TMEM131L: variants seen among roughly 807,000 people sequenced by gnomAD.
The protein encoded by TMEM131L is transmembrane 131 like, also known as transmembrane protein 131-like.
A neutral mutation model predicts 192.2 loss-of-function variants in TMEM131L; 54 were observed. That is an observed-to-expected ratio of 0.28 (90% CI 0.23 to 0.35). TMEM131L has a LOEUF of 0.35. Among genes scored for constraint, TMEM131L ranks in the 10% least tolerant of loss-of-function variants. TMEM131L has a pLI of 1.00. For synonymous variants in TMEM131L, 701 were observed against 704.9 expected (o/e 0.99, Z 0.09); for missense variants, 1,888 against 1,972.9 (o/e 0.96, Z 0.82).
intron 3 of TMEM131L, among the ~76,000 whole-genome samples, chr4:153,540,615 G>T (rs963318320): frequency 2.0e-5 from 3 of 152,144 alleles, no homozygotes; most frequent in Non-Finnish European, 2.9e-5. Context: ...GCCTTGGGTA[G>T]ATAGAAGAAA....
chr4:153,516,403 T>C (rs1030423224), intron 3 of TMEM131L, among the ~76,000 whole-genome samples: 9 of 152,112 alleles, frequency 5.9e-5, no homozygotes, highest in Admixed American at 4.6e-4. Context: ...CTAATTGTTA[T>C]ATATTTTTTA....
chr4:153,531,818 C>G (rs75369210), intron 3 of TMEM131L, among the ~76,000 whole-genome samples: 220 of 152,312 alleles, frequency 1.4e-3, no homozygotes, highest in African/African-American at 4.9e-3. Flanking sequence ...GTTTGCTGAG[C>G]TCTGGAAGCC....
At chr4:153,548,471 A>G (rs1364456198) in intron 3 of TMEM131L, among the ~76,000 whole-genome samples, 1 of 151,824 alleles carries the variant, frequency 6.6e-6, no homozygotes, top group Non-Finnish European at 1.5e-5. Flanking sequence ...CGCCCAGCTA[A>G]TTTTTGTATT....
chr4:153,599,628 T>C (rs9990596), intron 21 of TMEM131L, among the ~76,000 whole-genome samples: 43,144 of 152,196 alleles, frequency 0.28, 6,399 homozygotes, highest in Non-Finnish European at 0.34. Context: ...TGTCAGTTAC[T>C]TAACCACAGA....
At position 153,473,927 on chromosome 4, in the gene TMEM131L, G is replaced by A. The variant is rs76924182; in HGVS notation, c.239+39G>A. On this transcript the variant is annotated intron_variant, in intron 3 of 34. Transcript: ENST00000409959. ...GGGGGTGGAAACCTGCATGCTGAATGTCCCTGCCCACTTTGGGTGCTCTCT... is the reference window on the plus strand; with the variant it reads ...GGGGGTGGAAACCTGCATGCTGAATATCCCTGCCCACTTTGGGTGCTCTCT... The A allele has an allele frequency of 2.9e-3, 4,215 of 1,460,660 alleles. 79 individuals carry two copies. In the African/African-American group the frequency reaches 0.048, roughly 17 times the overall value. 90.5% of individuals were successfully genotyped at this position (1,460,660 alleles called of 1,614,324 possible).
chr4:153,604,192 A>G lies in TMEM131L; in HGVS notation c.3180A>G (p.Thr1060=). 6.2e-7 allele frequency: 1 copy of G among 1,614,124 alleles called. No homozygotes were observed. The highest frequency in any genetic ancestry group is 2.2e-5 in the East Asian group (1 of 44,888). ...ACTTACTGAATAAAGAAGAAAACAC[A>G]CTGAAAAACACAATTGTTTTCAGTA... The part of the protein sequence containing the change: ...PKNLLNKEEN[T]LKNTIVFSNP... Residue 1060 remains threonine, a synonymous_variant, in exon 25 of 35, where the codon ACA becomes ACG. Coordinates refer to ENST00000409959, the MANE Select transcript of TMEM131L (RefSeq NM_001131007.2).
intron 14 of TMEM131L, among the ~76,000 whole-genome samples, chr4:153,587,509 G>A (rs1288276810): frequency 1.3e-5 from 2 of 152,000 alleles, no homozygotes; most frequent in East Asian, 3.9e-4. Flanking sequence ...GGGCCCAAGG[G>A]TCATTATTGT....
intron 28 of TMEM131L, 86 bp from the exon 29 acceptor site, chr4:153,622,812 T>G (rs1021262655): frequency 1.5e-6 from 2 of 1,364,076 alleles, no homozygotes; most frequent in Non-Finnish European, 2.1e-6. Flanking sequence ...CTGGCCCTAC[T>G]CCTCCTGTCA....
At position 153,627,503 on chromosome 4, in the gene TMEM131L, G is replaced by T. The variant is rs1733930925; in HGVS notation, c.4125-102G>T. On this transcript the variant is annotated intron_variant, in intron 30 of 34. Transcript: ENST00000409959. ...TCTTCCCCAAGAAACTCTTCCCCAA[G>T]ACTTCAATTGAGTGAAAACTCAATC... is the stretch of plus-strand genomic sequence containing the variant. 7.5e-6 allele frequency: 6 copies of T among 794,902 alleles called. No individual in the cohort carries two copies. The Admixed American group carries it at 1.2e-4, about 15-fold the overall frequency. The allele number at this position is 794,902 out of a possible 1,614,324, so 49.2% of individuals were successfully genotyped here.
At chr4:153,585,060 C>A in intron 12 of TMEM131L, 129 bp downstream of exon 12, 1 of 713,656 alleles carries the variant, frequency 1.4e-6, no homozygotes. Context: ...CCTCCCCTTG[C>A]CTTAGCATTG....
At chr4:153,573,660 T>C (rs1578774987) in intron 7 of TMEM131L, among the ~76,000 whole-genome samples, 1 of 152,326 alleles carries the variant, frequency 6.6e-6, no homozygotes, top group Middle Eastern at 3.4e-3. Context: ...CCAATTGTTT[T>C]TTGTCTGTCT....
chr4:153,546,892 G>A (rs944647651), intron 3 of TMEM131L, among the ~76,000 whole-genome samples: 5 of 152,260 alleles, frequency 3.3e-5, no homozygotes, highest in East Asian at 1.9e-4. Context: ...ATGCTATTGC[G>A]CTCCAACGTG....
chr4:153,468,501 A>G (rs1836401), intron 2 of TMEM131L, among the ~76,000 whole-genome samples: 40,869 of 152,154 alleles, frequency 0.27, 5,709 homozygotes, highest in South Asian at 0.41. Context: ...ACAGAAATAT[A>G]AAAAGAACAA....
chr4:153,563,718 C>T (rs1004172312), intron 7 of TMEM131L, among the ~76,000 whole-genome samples: 3 of 152,018 alleles, frequency 2.0e-5, no homozygotes, highest in South Asian at 4.1e-4. Flanking sequence ...CCACCCACCT[C>T]GGCTTTTCAA....
In TMEM131L at chr4:153,604,080, C is replaced by T. The variant is rs1732041414; in HGVS notation, c.3068C>T (p.Thr1023Ile). 1 of 1,614,070 alleles carries T rather than the reference C, an allele frequency of 6.2e-7. No individual in the cohort carries two copies. The highest frequency in any genetic ancestry group is 8.5e-7 in the Non-Finnish European group (1 of 1,180,036). The change falls in exon 25 of 35, where the codon ACT becomes ATT. Residue 1023 changes from threonine (T) to isoleucine (I), a missense_variant. Transcript: ENST00000409959. ...CCTGCTGCTAAAGAGGACATTTGCACTGATGCCATGCGTGAGAACTGGATC... is the reference window on the plus strand; with the variant it reads ...CCTGCTGCTAAAGAGGACATTTGCATTGATGCCATGCGTGAGAACTGGATC... ...SLPAAKEDIC[T>I]DAMRENWISL... is the part of the protein sequence containing the mutation.
At chr4:153,609,541 A>T (rs1173548231) in intron 25 of TMEM131L, among the ~76,000 whole-genome samples, 2 of 152,210 alleles carry the variant, frequency 1.3e-5, no homozygotes, top group African/African-American at 4.8e-5. Context: ...GAATGCTTTC[A>T]TGTTAGAATT....
At chr4:153,627,003 A>AG (rs1196202698) in intron 30 of TMEM131L, among the ~76,000 whole-genome samples, 2 of 152,192 alleles carry the variant, frequency 1.3e-5, no homozygotes, top group Non-Finnish European at 2.9e-5. Context: ...GGTAAGAAGG[A>AG]GGAGAGTTCA....
rs1173536714 is a variant in TMEM131L, at chr4:153,582,420, GTTTTTTTTTGTTGTTTTTTTTTTTTTTT to G, written c.893-760_893-733del. Among the ~76,000 whole-genome samples, 83 of 81,834 alleles carry G rather than the reference GTTTTTTTTTGTTGTTTTTTTTTTTTTTT, an allele frequency of 1.0e-3. 5 individuals carry two copies. The highest frequency in any genetic ancestry group is 4.5e-3 in the African/African-American group (82 of 18,260). The allele number at this position is 81,834 out of a possible 152,430, so 53.7% of individuals were successfully genotyped here. On this transcript the variant is annotated intron_variant, in intron 9 of 34. Coordinates refer to ENST00000409959, the MANE Select transcript of TMEM131L (RefSeq NM_001131007.2). ...CCACTATGCCTGGCTAATTTAAACC[GTTTTTTTTTGTTGTTTTTTTTTTTTTTT>G]TTTTTTTTTTTGTAGAGACAGGTTC...
intron 3 of TMEM131L, among the ~76,000 whole-genome samples, chr4:153,487,724 G>GAA (rs1732450010): frequency 7.1e-6 from 1 of 141,252 alleles, no homozygotes; most frequent in Non-Finnish European, 1.5e-5. Context: ...GTGTGTGAGA[G>GAA]AGAGAGAGAG....
Sources: gnomAD v4.1 joint callset for allele counts (sites outside exome capture counted in the v4.1 genomes callset) on GRCh38, gnomAD v4.1.1 for gene constraint, MANE v1.5 for transcripts, NCBI Gene and HGNC (gene_info 2026-07-23, HGNC 2026-07-21) for gene names.